Variants in CHD4 observed in about 807,000 individuals in gnomAD.
CHD4 encodes the protein chromodomain helicase DNA binding protein 4, also known as ATP-dependent chromatin remodeler CHD4.
In CHD4, 35 loss-of-function variants were observed where a neutral mutation model predicts 235.5. The observed-to-expected ratio is 0.15, with a 90% confidence interval of 0.11 to 0.20. The LOEUF is 0.20. CHD4 is among the 10% of genes least tolerant of loss of function. CHD4 has a pLI of 1.00. For missense variants in CHD4, 1,329 were observed against 2,432.3 expected (o/e 0.55, Z 9.54); for synonymous variants, 900 against 850.2 (o/e 1.06, Z -1.02).
intron 33 of CHD4, 139 bp from the exon 34 acceptor site, chr12:6,579,056 T>C: frequency 2.8e-6 from 2 of 712,856 alleles, no homozygotes; most frequent in Non-Finnish European, 4.7e-6. Flanking sequence ...GGCTCATGCC[T>C]GTAATCCCAG....
At chr12:6,573,829 G>C (rs1948021050) in intron 37 of CHD4, among the ~76,000 whole-genome samples, 1 of 152,064 alleles carries the variant, frequency 6.6e-6, no homozygotes, top group South Asian at 2.1e-4. Context: ...TTCAAGACCA[G>C]CCTGGCCAAC....
chr12:6,593,467 G>C lies in CHD4; in HGVS notation c.2463C>G (p.Phe821Leu). ...DSRAIIRENE[F>L]SFEDNAIRGG... Reference sequence around the variant, plus strand: ...CACGAATGGCATTGTCTTCAAAGGAGAACTCATTCTCTCGGATGATGGCAC... The same window carrying C: ...CACGAATGGCATTGTCTTCAAAGGACAACTCATTCTCTCGGATGATGGCAC... The change falls in exon 16 of 40, where the codon TTC (phenylalanine) becomes TTG (leucine). Residue 821 changes from phenylalanine to leucine, a missense_variant. Physicochemically the swap from Phe to Leu is conservative, Grantham distance 22. Around this residue, in one of 26 missense-constraint regions of CHD4, gnomAD observed 78 missense variants for 174.8 expected, o/e 0.45. Transcript: ENST00000544040. This position sits in a 1 kb window ranked among gnomAD's most constrained non-coding sequence, Gnocchi z 4.9. The C allele has an allele frequency of 6.2e-7, 1 of 1,614,156 alleles. No homozygotes were observed. The highest frequency in any genetic ancestry group is 8.5e-7 in the Non-Finnish European group (1 of 1,180,040).
At position 6,583,359 on chromosome 12, in the gene CHD4, C is replaced by T. The variant is rs768776001; in HGVS notation, c.3899G>A (p.Arg1300Gln). The T allele has an allele frequency of 3.1e-6, 5 of 1,611,700 alleles. No individual in the cohort carries two copies. The highest frequency in any genetic ancestry group is 1.7e-5 in the Admixed American group (1 of 59,878). The change falls in exon 26 of 40, where the codon CGG (arginine) becomes CAG (glutamine). Residue 1300 changes from arginine to glutamine, a missense_variant. Arg to Gln is a conservative substitution (Grantham distance 43). Transcript: ENST00000544040. The part of the protein sequence containing the change: ...EEMGEEEEVE[R>Q]EIIKQEESVD... ...ACTTTCTTCCTGTTTAATGATTTCC[C>T]GTTCTACCTCCTCTTCCTCCTGGGA...
At chr12:6,581,992 G>T in intron 30 of CHD4, 145 bp downstream of exon 30, 1 of 1,121,632 alleles carries the variant, frequency 8.9e-7, no homozygotes, top group East Asian at 2.7e-5. Flanking sequence ...TAGTAGAGAT[G>T]GGGTTTCGCC....
In CHD4 at chr12:6,571,021, G is replaced by A; in HGVS notation, c.5569C>T (p.Leu1857=). ...NAVLHKVLKQ[L]EELLSDMKAD... ...TTCATGTCACTCAGCAGTTCTTCCAGCTGTTTCAGAACTGCATAGGGAGAA... is the reference window on the plus strand; with the variant it reads ...TTCATGTCACTCAGCAGTTCTTCCAACTGTTTCAGAACTGCATAGGGAGAA... Residue 1857 remains leucine (L), a synonymous_variant, in exon 39 of 40, where the codon CTG becomes TTG. Coordinates refer to ENST00000544040, the MANE Select transcript of CHD4 (RefSeq NM_001273.5). The A allele has an allele frequency of 1.2e-6, 2 of 1,614,114 alleles. No individual in the cohort carries two copies. Among genetic ancestry groups the A allele is most frequent in the Admixed American group, 1.7e-5 (1 of 60,010 alleles).
chr12:6,598,112 A>G lies in CHD4; in HGVS notation c.1687-13T>C. On this transcript the variant is annotated splice_polypyrimidine_tract_variant and intron_variant, in intron 11 of 39. Coordinates refer to ENST00000544040, the MANE Select transcript of CHD4 (RefSeq NM_001273.5). ...AGTGCAGCTCCAGCTTTGAGCGGAA[A>G]GAGAAAATCAGCCACCAAGAAGCTG... 6.2e-7 allele frequency: 1 copy of G among 1,614,030 alleles called. No individual in the cohort carries two copies. Among genetic ancestry groups the G allele is most frequent in the Non-Finnish European group, 8.5e-7 (1 of 1,179,946 alleles).
intron 31 of CHD4, 126 bp from the exon 32 acceptor site, chr12:6,581,514 G>A: frequency 1.3e-6 from 2 of 1,517,308 alleles, no homozygotes; most frequent in Non-Finnish European, 1.8e-6. Context: ...CTATTCTTAG[G>A]ACGGCCCTCC....
intron 37 of CHD4, among the ~76,000 whole-genome samples, chr12:6,575,611 A>AG (rs1229093971): frequency 6.6e-6 from 1 of 152,150 alleles, no homozygotes; most frequent in African/African-American, 2.4e-5. Context: ...ATCACAGCCC[A>AG]GACCCTTAAC....
intron 18 of CHD4, 21 bp downstream of exon 18, chr12:6,592,675 T>C: frequency 1.9e-6 from 3 of 1,609,548 alleles, no homozygotes; most frequent in Non-Finnish European, 2.5e-6. Flanking sequence ...ATGAGCCGAT[T>C]ACAGATAAAC....
chr12:6,582,912 C>A lies in CHD4; in HGVS notation c.4172G>T (p.Gly1391Val), dbSNP rs1948220965. Reference protein sequence around the residue: ...SEAPRRPSRKGLRNDKDKPLP... With the variant: ...SEAPRRPSRKVLRNDKDKPLP... ...TGGCTTATCTTTATCATTCCGCAGG[C>A]CCTTACGACTGGGCCTACGGGGAGC... The change falls in exon 28 of 40, where the codon GGC (glycine) becomes GTC (valine). Residue 1391 changes from glycine to valine, a missense_variant. By Grantham distance (109) the Gly-to-Val change is moderately radical (BLOSUM62 -3). Transcript: ENST00000544040. 6.2e-7 allele frequency: 1 copy of A among 1,613,920 alleles called. No individual in the cohort carries two copies. The highest frequency in any genetic ancestry group is 1.3e-5 in the African/African-American group (1 of 74,904).
Position 6,600,412 on chromosome 12 carries a change from G to C in CHD4, c.1064-17C>G. 1 of 1,613,190 alleles carries C rather than the reference G, an allele frequency of 6.2e-7. No individual in the cohort carries two copies. ...CCTCCTCGCCTGGGCAAGGAAGAGG[G>C]AAAGCCCAGTTATTGGAAAAAAACT... On this transcript the variant is annotated splice_polypyrimidine_tract_variant and intron_variant, in intron 8 of 39. Transcript: ENST00000544040.
rs752720902 is a variant in CHD4, at chr12:6,595,327, C to A, written c.2121+7G>T. The A allele has an allele frequency of 5.6e-6, 9 of 1,612,314 alleles. No individual in the cohort carries two copies. The highest frequency in any genetic ancestry group is 1.3e-5 in the African/African-American group (1 of 74,894). On this transcript the variant is annotated splice_region_variant and intron_variant, in intron 14 of 39. Transcript: ENST00000544040. ...AACAAACTACAGTCCCTTCCACCCCCACTCACATCAACTGTTGGCGTTTCT... is the reference window on the plus strand; with the variant it reads ...AACAAACTACAGTCCCTTCCACCCCAACTCACATCAACTGTTGGCGTTTCT...
intron 22 of CHD4, among the ~76,000 whole-genome samples, chr12:6,590,997 C>T (rs537804383): frequency 9.9e-5 from 15 of 152,020 alleles, no homozygotes; most frequent in African/African-American, 3.6e-4. Flanking sequence ...GTGGCACACG[C>T]CTGTTGTCCC....
intron 38 of CHD4, among the ~76,000 whole-genome samples, chr12:6,572,501 C>A (rs1947992475): frequency 6.6e-6 from 1 of 152,052 alleles, no homozygotes; most frequent in East Asian, 1.9e-4. Context: ...GAGGCTGAGG[C>A]CGGAGGATCA....
chr12:6,606,917 G>A (rs1475156322), intron 1 of CHD4: 2 of 152,070 alleles, frequency 1.3e-5, no homozygotes, highest in African/African-American at 2.4e-5. Flanking sequence ...AAGAGCTGCG[G>A]GGACGAGGGG....
At position 6,593,130 on chromosome 12, in the gene CHD4, G is replaced by A. The variant is rs151333693; in HGVS notation, c.2613C>T (p.Ile871=). Residue 871 remains isoleucine (I), a synonymous_variant, in exon 17 of 40, where the codon ATC becomes ATT. Transcript: ENST00000544040. The surrounding 1 kb of genome is among the most constrained non-coding windows in gnomAD (Gnocchi z 4.9). Reference sequence around the variant, plus strand: ...TCTTCAGCCGATGGGCTTCATCCACGATGAGGCAGGCCCAATCAATAGAGC... The same window carrying A: ...TCTTCAGCCGATGGGCTTCATCCACAATGAGGCAGGCCCAATCAATAGAGC... ...ILGSIDWACL[I]VDEAHRLKNN... is the part of the protein sequence containing the mutation. 13 of 1,614,024 alleles carry A rather than the reference G, an allele frequency of 8.1e-6. No homozygotes were observed. The highest frequency in any genetic ancestry group is 4.5e-5 in the East Asian group (2 of 44,896).
At position 6,602,417 on chromosome 12, in the gene CHD4, G is replaced by A. The variant is rs959477683; in HGVS notation, c.181C>T (p.Arg61Trp). ...TTGCTCTTAGGGATTTTAGGGTCCC[G>A]AGGTTTCTTAGGCTTTTTCTTCTTC... ...LKKKKKPKKP[R>W]DPKIPKSKRQ... Residue 61 changes from arginine (R) to tryptophan (W), a missense_variant, in exon 3 of 40, where the codon CGG becomes TGG. Physicochemically the swap from Arg to Trp is moderately radical, Grantham distance 101. Transcript: ENST00000544040. The A allele has an allele frequency of 1.1e-5, 17 of 1,613,956 alleles. No individual in the cohort carries two copies. The highest frequency in any genetic ancestry group is 1.7e-5 in the Admixed American group (1 of 59,992).
intron 26 of CHD4, 26 bp from the exon 27 acceptor site, chr12:6,583,139 G>A (rs200950618): frequency 1.1e-5 from 17 of 1,578,718 alleles, no homozygotes; most frequent in Non-Finnish European, 1.5e-5. Context: ...GCAGATGAGC[G>A]GGGCCCACTG....
At chr12:6,577,634 AC>A in intron 37 of CHD4, 150 bp downstream of exon 37, 2 of 1,001,454 alleles carry the variant, frequency 2.0e-6, no homozygotes, top group Non-Finnish European at 3.0e-6. Flanking sequence ...TGTGTCTTCA[AC>A]CCTAATGTGT....
Sources: gnomAD v4.1 joint callset for allele counts (sites outside exome capture counted in the v4.1 genomes callset) on GRCh38, gnomAD v4.1.1 for gene constraint, gnomAD v4.1.1 regional missense constraint, Gnocchi (gnomAD v3.1) non-coding constraint, MANE v1.5 for transcripts, NCBI Gene and HGNC (gene_info 2026-07-23, HGNC 2026-07-21) for gene names.